The following PSD3 variants were observed in gnomAD, a reference collection of about 807,000 sequenced individuals.
PSD3 encodes pleckstrin and Sec7 domain containing 3, also known as PH and SEC7 domain-containing protein 3.
PSD3 carries 49 observed loss-of-function variants against 105.5 expected under a neutral mutation model. The ratio of observed to expected loss-of-function variants is 0.46; its 90% CI spans 0.37 to 0.59. The LOEUF is 0.59. Ranked by LOEUF, PSD3 falls within the 20% of genes least tolerant of loss-of-function variation. The pLI is 0.00. For missense variants in PSD3, 1,561 were observed against 1,263.8 expected (o/e 1.24, Z -3.57); for synonymous variants, 557 against 457.8 (o/e 1.22, Z -2.77).
chr8:19,080,387 G>A (rs1405165817), intron 1 of PSD3, among the ~76,000 whole-genome samples: 1 of 152,126 alleles, frequency 6.6e-6, no homozygotes, highest in Non-Finnish European at 1.5e-5. Flanking sequence ...GTTATCTTGT[G>A]AACTAAACAA....
At chr8:19,022,235 A>G (rs1827386268) in intron 1 of PSD3, among the ~76,000 whole-genome samples, 1 of 152,168 alleles carries the variant, frequency 6.6e-6, no homozygotes, top group African/African-American at 2.4e-5. Flanking sequence ...CCACCAGGCC[A>G]CACCTCTGAC....
chr8:18,667,815 C>T (rs960104898), intron 9 of PSD3, among the ~76,000 whole-genome samples: 1 of 152,206 alleles, frequency 6.6e-6, no homozygotes, highest in African/African-American at 2.4e-5. Flanking sequence ...GCAGAGCCTC[C>T]GAGCCCTGCC....
chr8:18,617,424 G>A (rs979959733), intron 11 of PSD3, among the ~76,000 whole-genome samples: 1 of 152,002 alleles, frequency 6.6e-6, no homozygotes, highest in Non-Finnish European at 1.5e-5. Flanking sequence ...CCAGCTACTC[G>A]GGAGGCTGAG....
At chr8:18,696,485 G>C (rs988329906) in intron 9 of PSD3, among the ~76,000 whole-genome samples, 1 of 152,166 alleles carries the variant, frequency 6.6e-6, no homozygotes, top group Non-Finnish European at 1.5e-5. Flanking sequence ...TACTCTGTGT[G>C]GCCTGTTTTA....
chr8:18,744,070 T>C (rs1009990208), intron 9 of PSD3, among the ~76,000 whole-genome samples: 13 of 151,322 alleles, frequency 8.6e-5, no homozygotes, highest in Admixed American at 5.3e-4. Context: ...GATTCTCACA[T>C]ATGAATTTTA....
chr8:18,786,441 T>G (rs1482869714), intron 8 of PSD3, among the ~76,000 whole-genome samples: 1 of 152,228 alleles, frequency 6.6e-6, no homozygotes, highest in Admixed American at 6.6e-5. Context: ...AAATCATACC[T>G]CATCCTAAAT....
intron 9 of PSD3, among the ~76,000 whole-genome samples, chr8:18,658,203 A>C (rs1809043562): frequency 6.6e-6 from 1 of 152,168 alleles, no homozygotes; most frequent in Admixed American, 6.5e-5. Context: ...TATTCTTTTC[A>C]ATTGCAAAAT....
At chr8:19,036,740 G>A (rs1193744946) in intron 1 of PSD3, among the ~76,000 whole-genome samples, 1 of 152,136 alleles carries the variant, frequency 6.6e-6, no homozygotes, top group Non-Finnish European at 1.5e-5. Flanking sequence ...TGAATACTAT[G>A]TAATGAATTA....
intron 1 of PSD3, among the ~76,000 whole-genome samples, chr8:19,029,362 T>A (rs543566052): frequency 2.9e-4 from 44 of 152,318 alleles, no homozygotes; most frequent in African/African-American, 1.0e-3. Flanking sequence ...TGTATAGTAC[T>A]TGCACATTGT....
chr8:18,862,083 C>T (rs944084091), intron 4 of PSD3, among the ~76,000 whole-genome samples: 1 of 152,182 alleles, frequency 6.6e-6, no homozygotes, highest in Non-Finnish European at 1.5e-5. Context: ...TTACTACTGT[C>T]ATTGGTATTC....
At chr8:18,665,895 T>C (rs1799424267) in intron 9 of PSD3, among the ~76,000 whole-genome samples, 1 of 152,196 alleles carries the variant, frequency 6.6e-6, no homozygotes, top group Non-Finnish European at 1.5e-5. Context: ...GCTTAATTAC[T>C]GCCTTTTCAG....
intron 9 of PSD3, among the ~76,000 whole-genome samples, chr8:18,764,340 C>T (rs746869714): frequency 6.6e-6 from 1 of 152,170 alleles, no homozygotes; most frequent in Non-Finnish European, 1.5e-5. Flanking sequence ...CATTTATCTC[C>T]CGCTCCCATT....
At chr8:18,783,901 G>T (rs1282403507) in intron 8 of PSD3, among the ~76,000 whole-genome samples, 1 of 152,200 alleles carries the variant, frequency 6.6e-6, no homozygotes, top group Non-Finnish European at 1.5e-5. Flanking sequence ...CTCCCAGACT[G>T]CTGGCATGAG....
intron 4 of PSD3, among the ~76,000 whole-genome samples, chr8:18,821,063 A>T (rs533094968): frequency 7.2e-5 from 11 of 152,326 alleles, no homozygotes; most frequent in South Asian, 6.2e-4. Context: ...CTAACGTTTA[A>T]TGTTTAAAAA....
chr8:18,860,784 A>G (rs949315546), intron 4 of PSD3, among the ~76,000 whole-genome samples: 1 of 152,206 alleles, frequency 6.6e-6, no homozygotes, highest in Non-Finnish European at 1.5e-5. Context: ...TATTGTACTG[A>G]TATATGAATA....
At chr8:18,902,528 T>G (rs1253557030) in intron 2 of PSD3, among the ~76,000 whole-genome samples, 11 of 152,188 alleles carry the variant, frequency 7.2e-5, no homozygotes, top group Non-Finnish European at 1.6e-4. Flanking sequence ...AGTTATTATG[T>G]TTCTTTAGTG....
At chr8:18,996,997 T>A (rs191063879) in intron 1 of PSD3, among the ~76,000 whole-genome samples, 1 of 151,920 alleles carries the variant, frequency 6.6e-6, no homozygotes. Context: ...GCACTCTCGA[T>A]TCCCCTCATT....
intron 9 of PSD3, among the ~76,000 whole-genome samples, chr8:18,736,408 T>C (rs17127136): frequency 0.08 from 12,214 of 152,242 alleles, 1,115 homozygotes; most frequent in East Asian, 0.25. Context: ...TGAAAATTTT[T>C]AAATGCTGGG....
At chr8:18,565,451 C>G (rs1023015566) in intron 14 of PSD3, among the ~76,000 whole-genome samples, 4 of 152,192 alleles carry the variant, frequency 2.6e-5, no homozygotes, top group African/African-American at 9.7e-5. Context: ...AAGTACCACG[C>G]TGCACTGGCA....
Sources: gnomAD v4.1 joint callset for allele counts (sites outside exome capture counted in the v4.1 genomes callset) on GRCh38, gnomAD v4.1.1 for gene constraint, MANE v1.5 for transcripts, NCBI Gene and HGNC (gene_info 2026-07-23, HGNC 2026-07-21) for gene names.